The following RPS6KC1 variants were observed in gnomAD, a reference collection of about 807,000 sequenced individuals.
RPS6KC1 encodes the protein ribosomal protein S6 kinase C1.
Under a neutral mutation model 103.8 loss-of-function variants are expected in RPS6KC1, and 54 were observed. That is an observed-to-expected ratio of 0.52 (90% CI 0.42 to 0.65). RPS6KC1 has a LOEUF of 0.65. RPS6KC1 is among the 30% of genes least tolerant of loss of function. The pLI, the probability that RPS6KC1 is intolerant of heterozygous loss-of-function variation, is 0.00. For missense variants in RPS6KC1, 1,151 were observed against 1,253.8 expected (o/e 0.92, Z 1.24); for synonymous variants, 439 against 438.7 (o/e 1.00, Z -0.01).
At chr1:213,325,258 C>A in the RPS6KC1 span, among the ~76,000 whole-genome samples, 1 of 152,202 alleles carries the variant, frequency 6.6e-6, no homozygotes, top group African/African-American at 2.4e-5. Flanking sequence ...ATTACTCCGG[C>A]ATCCGGCCCT....
the RPS6KC1 span, among the ~76,000 whole-genome samples, chr1:213,520,861 A>G: frequency 1.3e-5 from 2 of 152,222 alleles, no homozygotes; most frequent in Non-Finnish European, 2.9e-5. Flanking sequence ...ATTGTCAAAT[A>G]AATAGTTGTT....
chr1:213,544,323 TCCA>T, the RPS6KC1 span, among the ~76,000 whole-genome samples: 2 of 152,098 alleles, frequency 1.3e-5, no homozygotes, highest in African/African-American at 4.8e-5. Flanking sequence ...AAGGACAGAC[TCCA>T]GGAGACATTT....
At chr1:213,152,382 C>G (rs937459113) in intron 6 of RPS6KC1, among the ~76,000 whole-genome samples, 5 of 142,848 alleles carry the variant, frequency 3.5e-5, no homozygotes, top group African/African-American at 5.0e-5. Flanking sequence ...GGGGGGCTGA[C>G]CCCCCCACCT....
chr1:213,352,597 G>T, the RPS6KC1 span, among the ~76,000 whole-genome samples: 2 of 152,150 alleles, frequency 1.3e-5, no homozygotes, highest in Admixed American at 1.3e-4. Flanking sequence ...ATACTATAAA[G>T]ATAGGCTCTT....
chr1:213,097,385 T>C (rs2081563071), intron 3 of RPS6KC1, among the ~76,000 whole-genome samples: 1 of 152,186 alleles, frequency 6.6e-6, no homozygotes, highest in African/African-American at 2.4e-5. Flanking sequence ...TTTTTTTCTG[T>C]GCAATAGATC....
chr1:213,606,946 T>C, the RPS6KC1 span, among the ~76,000 whole-genome samples: 1 of 152,350 alleles, frequency 6.6e-6, no homozygotes, highest in South Asian at 2.1e-4. Flanking sequence ...AATGAGAGTA[T>C]GATCATCTCC....
the RPS6KC1 span, among the ~76,000 whole-genome samples, chr1:213,370,441 T>G: frequency 1.3e-5 from 2 of 152,036 alleles, no homozygotes; most frequent in African/African-American, 4.8e-5. Context: ...GTTGGGCACT[T>G]ACAGGCTTGT....
intron 6 of RPS6KC1, among the ~76,000 whole-genome samples, chr1:213,164,948 G>T (rs928678835): frequency 2.0e-5 from 3 of 152,176 alleles, no homozygotes; most frequent in African/African-American, 7.2e-5. Flanking sequence ...GACTGTGTGT[G>T]TGTATTTTAA....
the RPS6KC1 span, among the ~76,000 whole-genome samples, chr1:213,414,446 A>G: frequency 6.6e-6 from 1 of 152,228 alleles, no homozygotes; most frequent in Non-Finnish European, 1.5e-5. Flanking sequence ...GAGATAGAAC[A>G]GAGAGCCATA....
chr1:213,275,403 A>G (rs879850168), downstream of RPS6KC1, among the ~76,000 whole-genome samples: 3 of 152,328 alleles, frequency 2.0e-5, no homozygotes, highest in South Asian at 2.1e-4. Flanking sequence ...TGCAAATGCC[A>G]TTATGGTGCA....
At chr1:213,697,174 A>C in the RPS6KC1 span, among the ~76,000 whole-genome samples, 6 of 152,270 alleles carry the variant, frequency 3.9e-5, no homozygotes, top group Non-Finnish European at 2.9e-5. Flanking sequence ...GTGGAGGCAC[A>C]GAACTCTCAT....
the RPS6KC1 span, among the ~76,000 whole-genome samples, chr1:213,479,536 C>G: frequency 6.6e-6 from 1 of 151,912 alleles, no homozygotes; most frequent in African/African-American, 2.4e-5. Context: ...TGTTAACTGC[C>G]TGTTTTCTAT....
the RPS6KC1 span, among the ~76,000 whole-genome samples, chr1:213,699,193 T>G: frequency 2.0e-5 from 3 of 151,980 alleles, no homozygotes; most frequent in Admixed American, 2.0e-4. Context: ...CCATCCCCAC[T>G]TCCCTCACAC....
chr1:213,732,365 G>GTGTGTA, the RPS6KC1 span, among the ~76,000 whole-genome samples: 5 of 151,864 alleles, frequency 3.3e-5, no homozygotes, highest in Non-Finnish European at 7.4e-5. Context: ...GTGTGCGTGT[G>GTGTGTA]TGTGTGTGTG....
At chr1:213,797,731 T>C in the RPS6KC1 span, among the ~76,000 whole-genome samples, 5 of 152,224 alleles carry the variant, frequency 3.3e-5, no homozygotes, top group Admixed American at 1.3e-4. Context: ...TTTAAGGCTG[T>C]GCCTAGACTC....
chr1:213,285,906 C>G, the RPS6KC1 span, among the ~76,000 whole-genome samples: 9 of 152,168 alleles, frequency 5.9e-5, no homozygotes. Flanking sequence ...AGAGGGCAAG[C>G]CTTCACCAGA....
At chr1:213,612,744 T>C in the RPS6KC1 span, among the ~76,000 whole-genome samples, 2 of 152,224 alleles carry the variant, frequency 1.3e-5, no homozygotes. Context: ...AGACTTCATA[T>C]TAAAATAACC....
At chr1:213,438,816 TGG>T in the RPS6KC1 span, among the ~76,000 whole-genome samples, 1 of 140,142 alleles carries the variant, frequency 7.1e-6, no homozygotes, top group African/African-American at 2.6e-5. Flanking sequence ...TTTTTTGAGA[TGG>T]AGTCTCGCTC....
At chr1:213,378,548 G>C in the RPS6KC1 span, among the ~76,000 whole-genome samples, 2 of 152,190 alleles carry the variant, frequency 1.3e-5, no homozygotes, top group African/African-American at 4.8e-5. Flanking sequence ...GTTTGGAAAT[G>C]TGTTGAAAAG....
Sources: allele counts gnomAD v4.1 joint callset (sites outside exome capture counted in the v4.1 genomes callset), GRCh38; gene constraint gnomAD v4.1.1; transcripts MANE v1.5; gene names NCBI Gene and HGNC (gene_info 2026-07-23, HGNC 2026-07-21).